The following PCDHGB1 variants were observed in gnomAD, a reference collection of about 807,000 sequenced individuals.
PCDHGB1 encodes the protein protocadherin gamma-B1.
PCDHGB1 carries 34 observed loss-of-function variants against 56.6 expected under a neutral mutation model. The observed-to-expected ratio is 0.60, with a 90% CI of 0.46 to 0.80. The LOEUF (loss-of-function observed/expected upper bound fraction) is 0.80. Among genes scored for constraint, PCDHGB1 ranks in the 30% least tolerant of loss-of-function variants. PCDHGB1 has a pLI of 0.00. For missense variants in PCDHGB1, 1,278 were observed against 1,204.6 expected (o/e 1.06, Z -0.90); for synonymous variants, 561 against 505.9 (o/e 1.11, Z -1.46).
At chr5:141,393,553 A>G (rs377510269) in intron 1 of PCDHGB1, 2 of 1,613,810 alleles carry the variant, frequency 1.2e-6, no homozygotes, top group African/African-American at 2.7e-5. Context: ...CACCCGATTT[A>G]CCGAGTGAAA....
chr5:141,424,061 CTGATT>C, intron 1 of PCDHGB1: 1 of 1,003,194 alleles, frequency 1.0e-6, no homozygotes, highest in Non-Finnish European at 1.2e-6. Flanking sequence ...TGTGCCTTCA[CTGATT>C]TGTAGTTATA....
intron 1 of PCDHGB1, chr5:141,403,929 G>T: frequency 6.2e-7 from 1 of 1,613,854 alleles, no homozygotes; most frequent in Non-Finnish European, 8.5e-7. Flanking sequence ...GATGGTGGGG[G>T]ATTGAAAGGG....
At chr5:141,423,994 A>G (rs2096794168) in intron 1 of PCDHGB1, 17 of 1,081,216 alleles carry the variant, frequency 1.6e-5, no homozygotes, top group Non-Finnish European at 1.8e-5. Flanking sequence ...TCAATTTATT[A>G]TATATAGATA....
rs774271747 is a variant in PCDHGB1 at position 141,485,866 on chromosome 5, C to A, written c.2410-8941C>A. On this transcript the variant is annotated intron_variant, in intron 1 of 3. Coordinates refer to ENST00000523390, the MANE Select transcript of PCDHGB1 (RefSeq NM_018922.3). The surrounding 1 kb of genome is among the most constrained non-coding windows in gnomAD (Gnocchi z 5.7). Reference sequence around the variant, plus strand: ...CTGGCACCGCAGAGCTCCGGGTATCCGTGCTGGACGTAAACGACAACGCCC... The same window carrying A: ...CTGGCACCGCAGAGCTCCGGGTATCAGTGCTGGACGTAAACGACAACGCCC... 2 of 1,614,144 alleles carry A rather than the reference C, an allele frequency of 1.2e-6. No homozygotes were observed. Among genetic ancestry groups the A allele is most frequent in the South Asian group, 1.1e-5 (1 of 91,074 alleles).
At position 141,431,641 on chromosome 5, in the gene PCDHGB1, A is replaced by G. The variant is rs772686680; in HGVS notation, c.2410-63166A>G. ...ACAAGGCGGCCCAAGTTTTCAAACT[A>G]GATTGTAATTCAGGGACAATATCAA... is the stretch of plus-strand genomic sequence containing the variant. On this transcript the variant is annotated intron_variant, in intron 1 of 3. Coordinates refer to ENST00000523390, the MANE Select transcript of PCDHGB1 (RefSeq NM_018922.3). This position sits in a 1 kb window ranked among gnomAD's most constrained non-coding sequence, Gnocchi z 4.8. The G allele has an allele frequency of 6.2e-7, 1 of 1,614,270 alleles. No individual in the cohort carries two copies. Among genetic ancestry groups the G allele is most frequent in the South Asian group, 1.1e-5 (1 of 91,092 alleles).
intron 1 of PCDHGB1, chr5:141,370,692 T>G: frequency 6.2e-7 from 1 of 1,613,730 alleles, no homozygotes; most frequent in Non-Finnish European, 8.5e-7. Context: ...TGGCAAGAAG[T>G]CGACGTGTGT....
chr5:141,452,791 C>T (rs1202677389), intron 1 of PCDHGB1, among the ~76,000 whole-genome samples: 2 of 152,156 alleles, frequency 1.3e-5, no homozygotes, highest in Non-Finnish European at 2.9e-5. Context: ...AACATACCAT[C>T]ATTTTTGCTG....
intron 1 of PCDHGB1, chr5:141,410,784 G>T (rs1352997810): frequency 1.2e-6 from 1 of 817,034 alleles, no homozygotes; most frequent in Non-Finnish European, 1.7e-6. Context: ...CTATGTATTT[G>T]GTTCATAAGT....
Position 141,510,957 on chromosome 5 carries a change from T to C in PCDHGB1, c.2568T>C (p.Asp856=), listed in dbSNP as rs372617587. ...MILASASEAA[D]GSSTLGGGAG... ...CCTCTGTCTCTGCAGAAGCTGCTGA[T>C]GGGAGCTCCACCCTGGGAGGGGGTG... Residue 856 remains aspartate, a synonymous_variant, in exon 4 of 4, where the codon GAT becomes GAC. Transcript: ENST00000523390. 2.5e-6 allele frequency: 4 copies of C among 1,614,134 alleles called. No individual in the cohort carries two copies. The highest frequency in any genetic ancestry group is 3.4e-6 in the Non-Finnish European group (4 of 1,180,004).
chr5:141,398,835 T>G (rs371527677), intron 1 of PCDHGB1: 60 of 1,613,796 alleles, frequency 3.7e-5, no homozygotes, highest in Non-Finnish European at 4.9e-5. Context: ...CCGACGCCAA[T>G]GATAATCCCC....
chr5:141,372,310 G>A (rs1768642217), intron 1 of PCDHGB1: 4 of 1,613,452 alleles, frequency 2.5e-6, no homozygotes, highest in Non-Finnish European at 2.5e-6. Context: ...GAGGCCGCCC[G>A]CCAGCGCCTG....
chr5:141,467,506 G>A (rs1364362269), intron 1 of PCDHGB1, among the ~76,000 whole-genome samples: 1 of 152,094 alleles, frequency 6.6e-6, no homozygotes, highest in Non-Finnish European at 1.5e-5. Flanking sequence ...TGATCTAATT[G>A]GAGTTTATTC....
chr5:141,415,227 T>A, intron 1 of PCDHGB1: 2 of 1,614,126 alleles, frequency 1.2e-6, no homozygotes, highest in African/African-American at 2.7e-5. Context: ...GCTTCGAGTC[T>A]CCAGCTAACT....
chr5:141,389,049 C>T, intron 1 of PCDHGB1: 7 of 1,613,880 alleles, frequency 4.3e-6, no homozygotes, highest in Non-Finnish European at 5.9e-6. Flanking sequence ...AGGTGATGTT[C>T]CATTTAAAAT....
rs749086929 is a variant in PCDHGB1, at chr5:141,485,998, T to A, written c.2410-8809T>A. ...CAGACCCGGACCTGGGTCCCAGTGG[T>A]AACGTCACCTTTTATTTCAGTGGTC... On this transcript the variant is annotated intron_variant, in intron 1 of 3. Transcript: ENST00000523390. The surrounding 1 kb of genome is among the most constrained non-coding windows in gnomAD (Gnocchi z 5.7). 2.4e-5 allele frequency: 38 copies of A among 1,614,068 alleles called. No individual in the cohort carries two copies. Among genetic ancestry groups the A allele is most frequent in the Non-Finnish European group, 3.1e-5 (37 of 1,180,046 alleles).
rs758907839 is a variant in PCDHGB1 at position 141,351,826 on chromosome 5, C to T, written c.1566C>T (p.Arg522=). ...GCGCCTTCGACCACGAGCAGCTGCG[C>T]GCCTTCGAGCTCACACTGCAGGCCA... is the stretch of plus-strand genomic sequence containing the variant. ...AQRAFDHEQL[R]AFELTLQARD... The change falls in exon 1 of 4, where the codon CGC becomes CGT. Residue 522 remains arginine (R), a synonymous_variant. Transcript: ENST00000523390. The T allele has an allele frequency of 6.8e-5, 109 of 1,613,084 alleles. No individual in the cohort carries two copies. In the South Asian group the frequency reaches 7.4e-4, roughly 11 times the overall value.
In PCDHGB1 at chr5:141,430,383, GAA is replaced by G. The variant is rs139772145; in HGVS notation, c.2410-64412_2410-64411del. Among the ~76,000 whole-genome samples the G allele has an allele frequency of 1.3e-3, 180 of 138,574 alleles. 1 individual carries two copies. Among genetic ancestry groups the G allele is most frequent in the African/African-American group, 4.5e-3 (169 of 37,858 alleles). 90.9% of individuals were successfully genotyped at this position (138,574 alleles called of 152,430 possible). A position where few individuals can be genotyped will look rare whatever the true frequency, so the allele number is the denominator to read the frequency against. On this transcript the variant is annotated intron_variant, in intron 1 of 3. Coordinates refer to ENST00000523390, the MANE Select transcript of PCDHGB1 (RefSeq NM_018922.3). ...CATTGGGGAAAAAAAAGCTCATTGG[GAA>G]AAAAAAAAAAAGCTCACTAAAGTTT...
At chr5:141,464,091 T>G (rs2099075583) in intron 1 of PCDHGB1, among the ~76,000 whole-genome samples, 1 of 151,812 alleles carries the variant, frequency 6.6e-6, no homozygotes, top group African/African-American at 2.4e-5. Flanking sequence ...ATGGTGAAAC[T>G]CCGTCTCTAC....
At position 141,484,105 on chromosome 5, in the gene PCDHGB1, A is replaced by G. The variant is rs548687877; in HGVS notation, c.2410-10702A>G. On this transcript the variant is annotated intron_variant, in intron 1 of 3. Coordinates refer to ENST00000523390, the MANE Select transcript of PCDHGB1 (RefSeq NM_018922.3). Reference sequence around the variant, plus strand: ...GAAATGGTCTTCGTTGGTAATTAACAAAAGATCAAGAATACCTTGGTGTCA... The same window carrying G: ...GAAATGGTCTTCGTTGGTAATTAACGAAAGATCAAGAATACCTTGGTGTCA... Among the ~76,000 whole-genome samples, 3 of 152,316 alleles carry G rather than the reference A, an allele frequency of 2.0e-5. No individual in the cohort carries two copies. In the South Asian group the frequency reaches 6.2e-4, roughly 32 times the overall value.
Sources: allele counts gnomAD v4.1 joint callset (sites outside exome capture counted in the v4.1 genomes callset), GRCh38; gene constraint gnomAD v4.1.1; non-coding constraint Gnocchi (gnomAD v3.1); transcripts MANE v1.5; gene names NCBI Gene and HGNC (gene_info 2026-07-23, HGNC 2026-07-21).